SEMA4D: variants seen among roughly 807,000 people sequenced by gnomAD.
SEMA4D encodes semaphorin 4D, also known as semaphorin-4D.
In SEMA4D, 22 loss-of-function variants were observed where a neutral mutation model predicts 74.8. The ratio of observed to expected loss-of-function variants is 0.29; its 90% CI spans 0.21 to 0.42. SEMA4D has a LOEUF of 0.42. Ranked by LOEUF, SEMA4D falls within the 10% of genes least tolerant of loss-of-function variation. The pLI, the probability that SEMA4D is intolerant of heterozygous loss-of-function variation, is 1.00. For missense variants in SEMA4D, 937 were observed against 1,118.4 expected, an observed-to-expected ratio of 0.84 and a Z score of 2.31; for synonymous variants, 445 against 463.7, an observed-to-expected ratio of 0.96 and a Z score of 0.52.
chr9:89,376,797 G>T, downstream of SEMA4D: 1 of 1,526,604 alleles, frequency 6.6e-7, no homozygotes, highest in South Asian at 1.2e-5. Context: ...GGAGACAGAT[G>T]GACAGGGCAC....
chr9:89,371,002 C>CGGGGTGT (rs1184095452), intron 16 of SEMA4D, among the ~76,000 whole-genome samples: 5 of 18,828 alleles, frequency 2.7e-4, no homozygotes, highest in East Asian at 1.8e-3. Flanking sequence ...AGGGGTATGT[C>CGGGGTGT]GGGGTGTGGG....
At chr9:89,446,097 C>T (rs2135272559) in intron 2 of SEMA4D, among the ~76,000 whole-genome samples, 1 of 152,308 alleles carries the variant, frequency 6.6e-6, no homozygotes, top group Admixed American at 6.5e-5. Flanking sequence ...CCCAGGAACA[C>T]CCACACAGAC....
At chr9:89,361,248 G>C (rs1490939630) in exon 19 of SEMA4D, 1 of 152,202 alleles carries the variant, frequency 6.6e-6, no homozygotes, top group Admixed American at 6.5e-5. Context: ...TGTTGTGATG[G>C]ATCCTGAAGG....
intron 2 of SEMA4D, among the ~76,000 whole-genome samples, chr9:89,443,598 C>T (rs745620134): frequency 5.9e-5 from 9 of 152,220 alleles, no homozygotes; most frequent in African/African-American, 9.7e-5. Flanking sequence ...GGGTGGCGGA[C>T]GGCCCTGGCC....
At chr9:89,462,417 C>G (rs1857465766) in intron 1 of SEMA4D, among the ~76,000 whole-genome samples, 1 of 152,208 alleles carries the variant, frequency 6.6e-6, no homozygotes, top group Admixed American at 6.5e-5. Flanking sequence ...CACCAATGCT[C>G]TTCCTTTATA....
chr9:89,402,031 A>G (rs929549910), intron 4 of SEMA4D, among the ~76,000 whole-genome samples: 1 of 152,034 alleles, frequency 6.6e-6, no homozygotes, highest in Non-Finnish European at 1.5e-5. Flanking sequence ...TGGGGATGTG[A>G]AGACAGAGGT....
At chr9:89,471,277 G>C (rs1860135702) in intron 1 of SEMA4D, among the ~76,000 whole-genome samples, 1 of 152,176 alleles carries the variant, frequency 6.6e-6, no homozygotes, top group South Asian at 2.1e-4. Flanking sequence ...TCAGGAGATG[G>C]AGGGTGGTGA....
chr9:89,376,989 C>T (rs764592119), downstream of SEMA4D: 56 of 1,549,916 alleles, frequency 3.6e-5, no homozygotes, highest in Middle Eastern at 1.7e-4. Context: ...CTCCTGTCCC[C>T]CACATGGCCC....
chr9:89,472,886 G>T (rs894326760), intron 1 of SEMA4D, among the ~76,000 whole-genome samples: 1 of 152,068 alleles, frequency 6.6e-6, no homozygotes, highest in South Asian at 2.1e-4. Flanking sequence ...TTGAGCCCAG[G>T]GGTTTGAGAC....
chr9:89,370,039 GTGTGTGGTGCA>G (rs1297040651), intron 16 of SEMA4D, among the ~76,000 whole-genome samples: 1 of 145,136 alleles, frequency 6.9e-6, no homozygotes, highest in East Asian at 2.7e-4. Flanking sequence ...ATGCTGTGCT[GTGTGTGGTGCA>G]TGTGTGAGTG....
chr9:89,380,734 C>A (rs1398331567), intron 15 of SEMA4D, among the ~76,000 whole-genome samples: 1 of 152,158 alleles, frequency 6.6e-6, no homozygotes, highest in Non-Finnish European at 1.5e-5. Flanking sequence ...GAGGATTAAT[C>A]ACTCATGGGC....
chr9:89,382,067 G>A (rs1401548917), intron 13 of SEMA4D, among the ~76,000 whole-genome samples: 1 of 152,190 alleles, frequency 6.6e-6, no homozygotes, highest in Non-Finnish European at 1.5e-5. Context: ...CCCACCTTCT[G>A]GGACACTTGG....
chr9:89,422,691 C>T (rs1014575903), intron 2 of SEMA4D, among the ~76,000 whole-genome samples: 1 of 152,212 alleles, frequency 6.6e-6, no homozygotes, highest in African/African-American at 2.4e-5. Flanking sequence ...TCTCCACTTA[C>T]AATTCATTTT....
At chr9:89,362,843 C>A (rs1832911071) in intron 18 of SEMA4D, among the ~76,000 whole-genome samples, 2 of 152,190 alleles carry the variant, frequency 1.3e-5, no homozygotes, top group Admixed American at 6.5e-5. Context: ...GTGATGAATC[C>A]CTGCCTTTGC....
Position 89,390,779 on chromosome 9 carries a change from T to C in SEMA4D, c.774+485A>G, listed in dbSNP as rs1157037784. 3.3e-5 allele frequency among the ~76,000 whole-genome samples: 5 copies of C among 152,146 alleles called. No homozygotes were observed. In the East Asian group the frequency reaches 9.7e-4, roughly 29 times the overall value. ...TTGAGATTTCCTGTAATCAAGCCCA[T>C]AGGCCATTCTCTTGTGCTGAGCACT... On this transcript the variant is annotated intron_variant, in intron 9 of 15. Transcript: ENST00000422704.
chr9:89,476,244 C>T (rs1861714739), intron 1 of SEMA4D, among the ~76,000 whole-genome samples: 1 of 151,948 alleles, frequency 6.6e-6, no homozygotes, highest in African/African-American at 2.4e-5. Flanking sequence ...ACACCTTGAG[C>T]AAGCTCACAC....
intron 2 of SEMA4D, among the ~76,000 whole-genome samples, chr9:89,454,723 G>A (rs1285150149): frequency 6.6e-6 from 1 of 152,214 alleles, no homozygotes; most frequent in Non-Finnish European, 1.5e-5. Flanking sequence ...TCTGCACAGG[G>A]TGAGTCCCCC....
Position 89,426,921 on chromosome 9 carries a change from C to T in SEMA4D, c.-243-21222G>A, listed in dbSNP as rs548776417. 3.3e-5 allele frequency among the ~76,000 whole-genome samples: 5 copies of T among 152,336 alleles called. No individual in the cohort carries two copies. In the South Asian group the frequency reaches 8.3e-4, roughly 25 times the overall value. ...ATGTGACAACCACAACACCCGGCTACGATGGTAAGGAGCAAACACTGCAGG... is the reference window on the plus strand; with the variant it reads ...ATGTGACAACCACAACACCCGGCTATGATGGTAAGGAGCAAACACTGCAGG... On this transcript the variant is annotated intron_variant, in intron 2 of 15. Coordinates refer to ENST00000422704, the MANE Select transcript of SEMA4D (RefSeq NM_001371194.2).
intron 16 of SEMA4D, chr9:89,367,306 GC>G (rs1187012357): frequency 6.6e-6 from 1 of 152,270 alleles, no homozygotes; most frequent in African/African-American, 2.4e-5. Context: ...GGAATCCTAG[GC>G]CCCCAGTGGG....
Sources: gnomAD v4.1 joint callset for allele counts (sites outside exome capture counted in the v4.1 genomes callset) on GRCh38, gnomAD v4.1.1 for gene constraint, MANE v1.5 for transcripts, NCBI Gene and HGNC (gene_info 2026-07-23, HGNC 2026-07-21) for gene names.